Variants in ADAMTS18 observed in about 807,000 individuals in gnomAD.
The protein encoded by ADAMTS18 is A disintegrin and metalloproteinase with thrombospondin motifs 18.
A neutral mutation model predicts 165.9 loss-of-function variants in ADAMTS18; 157 were observed. That is an observed-to-expected ratio of 0.95 (90% CI 0.83 to 1.08). The LOEUF is 1.08. Ranked by LOEUF, ADAMTS18 falls within the 50% of genes least tolerant of loss-of-function variation. The pLI, the probability that ADAMTS18 is intolerant of heterozygous loss-of-function variation, is 0.00. For synonymous variants in ADAMTS18, 782 were observed against 578.2 expected, an observed-to-expected ratio of 1.35 and a Z score of -5.06; for missense variants, 2,040 against 1,534.0, an observed-to-expected ratio of 1.33 and a Z score of -5.51.
intron 10 of ADAMTS18, among the ~76,000 whole-genome samples, chr16:77,345,111 A>G (rs1420522524): frequency 1.3e-5 from 2 of 152,146 alleles, no homozygotes; most frequent in Non-Finnish European, 2.9e-5. Flanking sequence ...TCCCAATGCT[A>G]TCCATTATTC....
chr16:77,319,674 C>T (rs960009533), intron 16 of ADAMTS18, among the ~76,000 whole-genome samples, 175 bp downstream of exon 16: 10 of 152,074 alleles, frequency 6.6e-5, no homozygotes, highest in African/African-American at 2.2e-4. Flanking sequence ...AACTCCTGCC[C>T]TCAGCTGATC....
chr16:77,430,778 C>T (rs2057728909), intron 3 of ADAMTS18, among the ~76,000 whole-genome samples: 1 of 152,160 alleles, frequency 6.6e-6, no homozygotes, highest in Non-Finnish European at 1.5e-5. Flanking sequence ...AGCCCAGGAA[C>T]ACAGCACCCC....
chr16:77,355,027 G>A (rs1017268433), intron 9 of ADAMTS18, among the ~76,000 whole-genome samples: 15 of 152,122 alleles, frequency 9.9e-5, no homozygotes, highest in African/African-American at 3.1e-4. Flanking sequence ...AATATGCTTT[G>A]TGTATAGATC....
At chr16:77,395,341 T>A (rs540234445) in intron 3 of ADAMTS18, among the ~76,000 whole-genome samples, 2 of 152,312 alleles carry the variant, frequency 1.3e-5, no homozygotes, top group South Asian at 2.1e-4. Context: ...AGGACTCTGT[T>A]ACTTGGCTTT....
At chr16:77,293,331 C>T (rs753068602) in intron 19 of ADAMTS18, 73 bp from the exon 20 acceptor site, 1 of 1,067,224 alleles carries the variant, frequency 9.4e-7, no homozygotes, top group African/African-American at 1.5e-5. Context: ...AAAAACAACA[C>T]ACTAAATATA....
At chr16:77,417,054 T>A (rs1347374120) in intron 3 of ADAMTS18, among the ~76,000 whole-genome samples, 1 of 152,198 alleles carries the variant, frequency 6.6e-6, no homozygotes, top group Non-Finnish European at 1.5e-5. Flanking sequence ...ATCACTTATT[T>A]GTGTTCCCAG....
At chr16:77,432,133 G>C (rs74690215) in intron 2 of ADAMTS18, among the ~76,000 whole-genome samples, 2,375 of 152,278 alleles carry the variant, frequency 0.016, 72 homozygotes, top group African/African-American at 0.054. Flanking sequence ...GGTAGCCTCA[G>C]ATGATATTTC....
chr16:77,337,169 T>C (rs563912666), intron 11 of ADAMTS18, among the ~76,000 whole-genome samples: 5 of 152,352 alleles, frequency 3.3e-5, no homozygotes, highest in Admixed American at 3.3e-4. Flanking sequence ...AGAGTTTGCA[T>C]GAAACCATAT....
Position 77,318,206 on chromosome 16 carries a change from T to A in ADAMTS18, c.2532+1643A>T, listed in dbSNP as rs542302724. 1.1e-4 allele frequency among the ~76,000 whole-genome samples: 16 copies of A among 152,344 alleles called. No individual in the cohort carries two copies. In the East Asian group the frequency reaches 3.1e-3, roughly 29 times the overall value. The stretch of plus-strand genomic sequence containing the variant: ...TTGGTCAAAATACATGGGTATGTTC[T>A]CAGTGTTTTATGCATTCAAATCTGG... On this transcript the variant is annotated intron_variant, in intron 16 of 22. Coordinates refer to ENST00000282849, the MANE Select transcript of ADAMTS18 (RefSeq NM_199355.4).
At chr16:77,287,236 C>A (rs752789999) in intron 22 of ADAMTS18, among the ~76,000 whole-genome samples, 3 of 152,146 alleles carry the variant, frequency 2.0e-5, no homozygotes, top group Non-Finnish European at 4.4e-5. Context: ...AATCTTCTTC[C>A]GTCACCATGC....
intron 4 of ADAMTS18, among the ~76,000 whole-genome samples, chr16:77,366,651 T>G (rs528984876): frequency 3.3e-5 from 5 of 152,196 alleles, no homozygotes; most frequent in African/African-American, 4.8e-5. Flanking sequence ...AGTATGTAAA[T>G]CTACTTTTTT....
intron 17 of ADAMTS18, among the ~76,000 whole-genome samples, chr16:77,299,504 G>T (rs2055539691): frequency 1.3e-5 from 2 of 152,042 alleles, no homozygotes; most frequent in Middle Eastern, 3.2e-3. Context: ...GCCTTATTAT[G>T]CTTAGTGGGA....
chr16:77,332,484 C>A (rs888659035), intron 12 of ADAMTS18, among the ~76,000 whole-genome samples: 2 of 152,160 alleles, frequency 1.3e-5, no homozygotes, highest in African/African-American at 4.8e-5. Flanking sequence ...AATTTCTAAT[C>A]CTCCTCCAAC....
At chr16:77,372,887 T>G (rs557577536) in intron 3 of ADAMTS18, among the ~76,000 whole-genome samples, 3 of 152,186 alleles carry the variant, frequency 2.0e-5, no homozygotes, top group African/African-American at 7.2e-5. Flanking sequence ...CCAGCACTAA[T>G]CAACTTCTTC....
intron 13 of ADAMTS18, among the ~76,000 whole-genome samples, chr16:77,325,278 C>A (rs964635546): frequency 5.3e-5 from 8 of 152,142 alleles, no homozygotes; most frequent in Admixed American, 2.6e-4. Flanking sequence ...ACATTAAACT[C>A]TTCTGCTGTA....
At chr16:77,290,166 T>C (rs1454518690) in intron 21 of ADAMTS18, among the ~76,000 whole-genome samples, 1 of 152,184 alleles carries the variant, frequency 6.6e-6, no homozygotes, top group East Asian at 1.9e-4. Context: ...GTTATCAAAT[T>C]ATCTAAACTA....
chr16:77,328,860 T>G (rs774073484), intron 12 of ADAMTS18, among the ~76,000 whole-genome samples: 3 of 152,194 alleles, frequency 2.0e-5, no homozygotes, highest in Non-Finnish European at 4.4e-5. Context: ...CCTCCTTTCA[T>G]AGATGAAGTG....
In ADAMTS18 at chr16:77,286,119, G is replaced by A. The variant is rs576238707; in HGVS notation, c.3551-2048C>T. Among the ~76,000 whole-genome samples, 16 of 152,228 alleles carry A rather than the reference G, an allele frequency of 1.1e-4. No individual in the cohort carries two copies. In the South Asian group the frequency reaches 3.3e-3, roughly 32 times the overall value. ...CTTCACCTTGTTTCTTGTACTCCAAGCATCGTGCCATTCCTCAATTAGATT... is the reference window on the plus strand; with the variant it reads ...CTTCACCTTGTTTCTTGTACTCCAAACATCGTGCCATTCCTCAATTAGATT... On this transcript the variant is annotated intron_variant, in intron 22 of 22. Coordinates refer to ENST00000282849, the MANE Select transcript of ADAMTS18 (RefSeq NM_199355.4).
Position 77,325,996 on chromosome 16 carries a change from A to C in ADAMTS18, c.1902T>G (p.Ile634Met), listed in dbSNP as rs781180776. 12 of 1,614,120 alleles carry C rather than the reference A, an allele frequency of 7.4e-6. No homozygotes were observed. The highest frequency in any genetic ancestry group is 1.0e-5 in the Non-Finnish European group (12 of 1,179,990). The change falls in exon 13 of 23, where the codon ATT (isoleucine) becomes ATG (methionine). Residue 634 changes from isoleucine to methionine, a missense_variant. By Grantham distance (10) the Ile-to-Met change is conservative (BLOSUM62 1). Coordinates refer to ENST00000282849, the MANE Select transcript of ADAMTS18 (RefSeq NM_199355.4). Reference protein sequence around the residue: ...GGLFCPGSSRIYQLCNINPCN... With the variant: ...GGLFCPGSSRMYQLCNINPCN... Reference sequence around the variant, plus strand: ...AAGGGTTAATATTGCACAGCTGATAAATACGGCTAGAACCTGGACAGAATA... The same window carrying C: ...AAGGGTTAATATTGCACAGCTGATACATACGGCTAGAACCTGGACAGAATA...
Sources: gnomAD v4.1 joint callset for allele counts (sites outside exome capture counted in the v4.1 genomes callset) on GRCh38, gnomAD v4.1.1 for gene constraint, MANE v1.5 for transcripts, NCBI Gene and HGNC (gene_info 2026-07-23, HGNC 2026-07-21) for gene names.